The following ZBTB44 variants were observed in gnomAD, a reference collection of about 807,000 sequenced individuals.
ZBTB44 encodes the protein zinc finger and BTB domain containing 44, also known as zinc finger and BTB domain-containing protein 44.
ZBTB44 carries 15 observed loss-of-function variants against 54.0 expected under a neutral mutation model. The observed-to-expected ratio is 0.28, with a 90% CI of 0.19 to 0.43. The LOEUF (loss-of-function observed/expected upper bound fraction) is 0.43. Among genes scored for constraint, ZBTB44 ranks in the 20% least tolerant of loss-of-function variants. ZBTB44 has a pLI of 1.00. For synonymous variants in ZBTB44, 230 were observed against 250.1 expected, an observed-to-expected ratio of 0.92 and a Z score of 0.76; for missense variants, 487 against 707.1, an observed-to-expected ratio of 0.69 and a Z score of 3.53.
At chr11:130,250,951 G>A (rs189032104) in intron 2 of ZBTB44, among the ~76,000 whole-genome samples, 19 of 152,244 alleles carry the variant, frequency 1.2e-4, no homozygotes, top group African/African-American at 4.1e-4. Flanking sequence ...TTGACAAATC[G>A]ACAGAAGTAG....
chr11:130,296,467 CA>C lies in ZBTB44; in HGVS notation c.-57+17907del. ...ACCACATTCTTCCAGTTCTGCAACA[CA>C]GATTTGGGAACACATTGTGTACGGA... On this transcript the variant is annotated intron_variant, in intron 1 of 7. Transcript: ENST00000357899. 2.6e-6 allele frequency: 3 copies of C among 1,139,090 alleles called. No homozygotes were observed. In the African/African-American group the frequency reaches 4.7e-5, roughly 18 times the overall value. 70.6% of individuals were successfully genotyped at this position (1,139,090 alleles called of 1,614,324 possible).
chr11:130,244,524 G>A (rs1015452195), intron 2 of ZBTB44, among the ~76,000 whole-genome samples: 5 of 151,852 alleles, frequency 3.3e-5, no homozygotes, highest in Non-Finnish European at 7.4e-5. Context: ...AAAATTAGCC[G>A]GGCGTGGTGG....
chr11:130,290,710 T>C (rs141022448), intron 1 of ZBTB44, among the ~76,000 whole-genome samples: 6 of 152,376 alleles, frequency 3.9e-5, no homozygotes, highest in Non-Finnish European at 8.8e-5. Flanking sequence ...TTTTCAGTAC[T>C]ATCCTACACT....
rs1251540774 is a variant in ZBTB44 at position 130,230,421 on chromosome 11, T to TG, written c.*1342_*1343insC. The TG allele has an allele frequency of 2.0e-5, 3 of 147,894 alleles. No individual in the cohort carries two copies. Among genetic ancestry groups the TG allele is most frequent in the East Asian group, 1.9e-4 (1 of 5,144 alleles). 9.2% of individuals were successfully genotyped at this position (147,894 alleles called of 1,614,324 possible). ...ATTTTAACAAGATGAAAGTTTTTTT[T>TG]TTTTTTTTTTTTTGCTAGTTATTAA... is the stretch of plus-strand genomic sequence containing the variant. On this transcript the variant is annotated 3_prime_UTR_variant, in exon 8 of 8. Transcript: ENST00000357899.
intron 1 of ZBTB44, 46 bp downstream of exon 1, chr11:130,314,329 G>A (rs1188953556): frequency 6.5e-6 from 1 of 152,690 alleles, no homozygotes; most frequent in African/African-American, 2.4e-5. Flanking sequence ...CAGCGTGCAG[G>A]GGCCGTCCCC....
intron 2 of ZBTB44, among the ~76,000 whole-genome samples, chr11:130,247,641 A>C (rs1313866019): frequency 1.3e-5 from 2 of 152,206 alleles, no homozygotes; most frequent in African/African-American, 4.8e-5. Context: ...CTGGCCCTGG[A>C]GGCCAAGTTC....
chr11:130,238,386 T>G lies in ZBTB44; in HGVS notation c.1267+58A>C, dbSNP rs1954204714. The G allele has an allele frequency of 5.5e-6, 8 of 1,456,746 alleles. No homozygotes were observed. The South Asian group carries it at 1.2e-4, about 21-fold the overall frequency. 90.2% of individuals were successfully genotyped at this position (1,456,746 alleles called of 1,614,324 possible). On this transcript the variant is annotated intron_variant, in intron 4 of 7. Coordinates refer to ENST00000357899, the MANE Select transcript of ZBTB44 (RefSeq NM_001301098.2). Reference sequence around the variant, plus strand: ...CCCTGTTTTCTATTTTAACTGGGACTGCAAAATAAAATGTTTTAGAGCGTT... The same window carrying G: ...CCCTGTTTTCTATTTTAACTGGGACGGCAAAATAAAATGTTTTAGAGCGTT...
At chr11:130,259,966 C>A (rs1222644695) in intron 2 of ZBTB44, among the ~76,000 whole-genome samples, 7 of 151,782 alleles carry the variant, frequency 4.6e-5, no homozygotes, top group Non-Finnish European at 8.8e-5. Flanking sequence ...GAAAAAAATA[C>A]TGCCAGAGAA....
intron 1 of ZBTB44, among the ~76,000 whole-genome samples, chr11:130,281,783 ACGGGGTTTCGC>A (rs138635224): frequency 0.78 from 118,322 of 151,222 alleles, 46,507 homozygotes; most frequent in Admixed American, 0.82. Context: ...TTTAGTAGAG[ACGGGGTTTCGC>A]CGGGGTTTCG....
intron 1 of ZBTB44, among the ~76,000 whole-genome samples, chr11:130,274,728 T>C (rs1306497462): frequency 6.6e-6 from 1 of 152,220 alleles, no homozygotes; most frequent in Non-Finnish European, 1.5e-5. Context: ...TACAGTTTGT[T>C]TTTTAAAAAA....
chr11:130,272,437 C>T (rs1939743916), intron 1 of ZBTB44, among the ~76,000 whole-genome samples: 1 of 152,182 alleles, frequency 6.6e-6, no homozygotes, highest in African/African-American at 2.4e-5. Context: ...TGGAGCTCTG[C>T]CCATTGGGTT....
chr11:130,235,412 A>C (rs1414014817), intron 5 of ZBTB44, among the ~76,000 whole-genome samples: 1 of 152,192 alleles, frequency 6.6e-6, no homozygotes, highest in Non-Finnish European at 1.5e-5. Flanking sequence ...TGGCAACCAC[A>C]CATTCAGAAT....
At chr11:130,268,960 C>A (rs568169663) in intron 1 of ZBTB44, among the ~76,000 whole-genome samples, 1 of 151,618 alleles carries the variant, frequency 6.6e-6, no homozygotes, top group South Asian at 2.1e-4. Context: ...CAAGGTATAA[C>A]CTGAAGTTTT....
intron 1 of ZBTB44, among the ~76,000 whole-genome samples, chr11:130,303,528 G>A (rs938130067): frequency 5.3e-5 from 8 of 152,078 alleles, no homozygotes; most frequent in East Asian, 3.9e-4. Context: ...CCAGCTACTC[G>A]GGAGGCTGAG....
At chr11:130,244,539 T>C (rs1339117565) in intron 2 of ZBTB44, among the ~76,000 whole-genome samples, 2 of 151,422 alleles carry the variant, frequency 1.3e-5, no homozygotes, top group Non-Finnish European at 3.0e-5. Context: ...TGGTGGCGGG[T>C]GCCTGTAGTC....
chr11:130,301,534 T>A (rs1427255228), intron 1 of ZBTB44, among the ~76,000 whole-genome samples: 1 of 152,000 alleles, frequency 6.6e-6, no homozygotes, highest in Non-Finnish European at 1.5e-5. Flanking sequence ...TGTGGTGGTG[T>A]GCATCTGTGG....
At chr11:130,301,866 T>C (rs1047363262) in intron 1 of ZBTB44, among the ~76,000 whole-genome samples, 10 of 151,836 alleles carry the variant, frequency 6.6e-5, no homozygotes, top group Non-Finnish European at 1.5e-4. Flanking sequence ...CAATGCAACA[T>C]GGCAAAACCC....
Position 130,276,444 on chromosome 11 carries a change from T to C in ZBTB44, c.-56-14515A>G, listed in dbSNP as rs36039401. On this transcript the variant is annotated intron_variant, in intron 1 of 7. Coordinates refer to ENST00000357899, the MANE Select transcript of ZBTB44 (RefSeq NM_001301098.2). ...TTCTATACGTTTCTTTTTTTTTTCT[T>C]TTTTTTTTGAGACAGAGTCTTGCTG... Among the ~76,000 whole-genome samples, 872 of 149,352 alleles carry C rather than the reference T, an allele frequency of 5.8e-3. 11 individuals carry two copies. Among genetic ancestry groups the C allele is most frequent in the African/African-American group, 0.021 (845 of 40,814 alleles).
chr11:130,244,559 C>T (rs547290702), intron 2 of ZBTB44, among the ~76,000 whole-genome samples: 103 of 150,318 alleles, frequency 6.9e-4, no homozygotes, highest in African/African-American at 2.4e-3. Context: ...CCCAGCTACT[C>T]GGGAGGCTGA....
Sources: allele counts gnomAD v4.1 joint callset (sites outside exome capture counted in the v4.1 genomes callset), GRCh38; gene constraint gnomAD v4.1.1; transcripts MANE v1.5; gene names NCBI Gene and HGNC (gene_info 2026-07-23, HGNC 2026-07-21).